FBXO42: variants seen among roughly 807,000 people sequenced by gnomAD.
FBXO42 encodes the protein F-box only protein 42.
In FBXO42, 12 loss-of-function variants were observed where a neutral mutation model predicts 71.7. The ratio of observed to expected loss-of-function variants is 0.17; its 90% CI spans 0.11 to 0.27. The LOEUF is 0.27. Ranked by LOEUF, FBXO42 falls within the 10% of genes least tolerant of loss-of-function variation. The pLI is 1.00. For missense variants in FBXO42, 707 were observed against 911.9 expected, an observed-to-expected ratio of 0.78 and a Z score of 2.89; for synonymous variants, 325 against 327.5, an observed-to-expected ratio of 0.99 and a Z score of 0.08.
chr1:16,250,941 G>A lies in FBXO42; in HGVS notation c.1883C>T (p.Ser628Phe). 1 of 1,614,196 alleles carries A rather than the reference G, an allele frequency of 6.2e-7. No homozygotes were observed. The highest frequency in any genetic ancestry group is 8.5e-7 in the Non-Finnish European group (1 of 1,180,040). ...ARRLGHHPPQ[S>F]LNVGKPLYQS... is the part of the protein sequence containing the mutation. ...GTATAGGGGTTTGCCAACATTTAGG[G>A]ACTGTGGAGGGTGGTGGCCCAGGCG... Residue 628 changes from serine (S) to phenylalanine (F), a missense_variant, in exon 10 of 10, where the codon TCC (serine) becomes TTC (phenylalanine). Ser to Phe is a radical substitution (Grantham distance 155, BLOSUM62 -2). Coordinates refer to ENST00000375592, the MANE Select transcript of FBXO42 (RefSeq NM_018994.3). The surrounding 1 kb of genome is among the most constrained non-coding windows in gnomAD (Gnocchi z 4.7).
At chr1:16,278,771 CTTTT>C (rs1427092676) in intron 4 of FBXO42, among the ~76,000 whole-genome samples, 1 of 151,954 alleles carries the variant, frequency 6.6e-6, no homozygotes, top group South Asian at 2.1e-4. Flanking sequence ...AGTTATTTCT[CTTTT>C]TTTCTTTTTT....
At position 16,253,648 on chromosome 1, in the gene FBXO42, C is replaced by A. The variant is rs2081612691; in HGVS notation, c.851G>T (p.Gly284Val). 1 of 1,614,094 alleles carries A rather than the reference C, an allele frequency of 6.2e-7. No individual in the cohort carries two copies. The highest frequency in any genetic ancestry group is 1.3e-5 in the African/African-American group (1 of 74,938). ...NISGPSPHPRGGQSQIVIDDA... is the reference protein window; with the variant it reads ...NISGPSPHPRVGQSQIVIDDA... ...ATTCCTGAGCACCTGAGATTGGCCA[C>A]CTCGAGGATGAGGACTGGGGCCAGA... is the stretch of plus-strand genomic sequence containing the variant. The change falls in exon 7 of 10, where the codon GGT becomes GTT. Residue 284 changes from glycine (G) to valine (V), a missense_variant. By Grantham distance (109) the Gly-to-Val change is moderately radical. Coordinates refer to ENST00000375592, the MANE Select transcript of FBXO42 (RefSeq NM_018994.3).
chr1:16,272,241 G>A (rs980012173), intron 4 of FBXO42, among the ~76,000 whole-genome samples: 12 of 150,276 alleles, frequency 8.0e-5, no homozygotes, highest in South Asian at 2.1e-4. Flanking sequence ...CCACAGAGAC[G>A]CAAACTATAA....
chr1:16,250,780 C>T lies in FBXO42; in HGVS notation c.2044G>A (p.Val682Ile). The T allele has an allele frequency of 6.2e-7, 1 of 1,614,170 alleles. No homozygotes were observed. Among genetic ancestry groups the T allele is most frequent in the Non-Finnish European group, 8.5e-7 (1 of 1,180,036 alleles). Reference protein sequence around the residue: ...GPPETSLHTVVQGRGELIIFG... With the variant: ...GPPETSLHTVIQGRGELIIFG... ...ATGATGAGTTCACCCCTGCCTTGTA[C>T]CACGGTATGCAGGCTGGTTTCAGGA... The change falls in exon 10 of 10, where the codon GTA (valine) becomes ATA (isoleucine). Residue 682 changes from valine (V) to isoleucine (I), a missense_variant. Val to Ile is a conservative substitution (Grantham distance 29). Around this residue, in one of 5 missense-constraint regions of FBXO42, gnomAD observed 9 missense variants for 31.8 expected, o/e 0.28. Coordinates refer to ENST00000375592, the MANE Select transcript of FBXO42 (RefSeq NM_018994.3). The surrounding 1 kb of genome is among the most constrained non-coding windows in gnomAD (Gnocchi z 4.7).
chr1:16,283,099 G>C (rs1379636421), intron 4 of FBXO42, among the ~76,000 whole-genome samples: 1 of 152,142 alleles, frequency 6.6e-6, no homozygotes, highest in Non-Finnish European at 1.5e-5. Flanking sequence ...TCTGAATAAA[G>C]GTGATCTGTT....
chr1:16,301,885 G>A (rs12562869), intron 3 of FBXO42, among the ~76,000 whole-genome samples: 49,704 of 151,712 alleles, frequency 0.33, 9,811 homozygotes, highest in East Asian at 0.67. Flanking sequence ...CTCCTGCCTC[G>A]ACTTTAAAAC....
intron 1 of FBXO42, among the ~76,000 whole-genome samples, chr1:16,348,172 G>A (rs576501025): frequency 3.3e-5 from 5 of 152,030 alleles, no homozygotes; most frequent in East Asian, 1.9e-4. Flanking sequence ...TCCATCAGCC[G>A]CAACTTTAGA....
intron 1 of FBXO42, among the ~76,000 whole-genome samples, chr1:16,333,404 G>A (rs2082520710): frequency 2.0e-5 from 3 of 150,330 alleles, no homozygotes; most frequent in Admixed American, 1.3e-4. Flanking sequence ...CTTGAGGCCA[G>A]GAGTTCGAGA....
intron 3 of FBXO42, among the ~76,000 whole-genome samples, chr1:16,301,684 C>A (rs28455948): frequency 0.28 from 34,286 of 121,430 alleles, 5,021 homozygotes; most frequent in African/African-American, 0.37. Context: ...AAAAAAAAAA[C>A]AACAAAAAAA....
rs549274706 is a variant in FBXO42, at chr1:16,300,122, C to T, written c.368-5205G>A. On this transcript the variant is annotated intron_variant, in intron 3 of 9. Transcript: ENST00000375592. ...TCCCAGTGCTCCAGTAGTAATTTCC[C>T]TTTTCACAAGTTCTCAACCTAAATA... 1.8e-4 allele frequency among the ~76,000 whole-genome samples: 28 copies of T among 152,280 alleles called. No individual in the cohort carries two copies. The East Asian group carries it at 5.4e-3, about 29-fold the overall frequency.
At chr1:16,281,683 G>T (rs1299559223) in intron 4 of FBXO42, among the ~76,000 whole-genome samples, 1 of 149,484 alleles carries the variant, frequency 6.7e-6, no homozygotes, top group Non-Finnish European at 1.5e-5. Flanking sequence ...TTTTGAGACG[G>T]AGTCTCACTC....
chr1:16,313,517 A>G (rs2082336671), intron 2 of FBXO42, among the ~76,000 whole-genome samples: 1 of 152,174 alleles, frequency 6.6e-6, no homozygotes, highest in Admixed American at 6.6e-5. Flanking sequence ...GCAGGGAGCC[A>G]ATCTCTCCTG....
chr1:16,295,382 CT>C (rs917105869), intron 3 of FBXO42, among the ~76,000 whole-genome samples: 44 of 150,230 alleles, frequency 2.9e-4, no homozygotes, highest in East Asian at 1.9e-3. Context: ...ATAAATGAAT[CT>C]TTTTTTTTTC....
intron 1 of FBXO42, among the ~76,000 whole-genome samples, chr1:16,331,915 TGATACAC>T (rs918893390): frequency 6.6e-6 from 1 of 151,872 alleles, no homozygotes; most frequent in Non-Finnish European, 1.5e-5. Context: ...CCAGGCATGG[TGATACAC>T]GCCTGTAATC....
chr1:16,332,690 G>A (rs557147181), intron 1 of FBXO42, among the ~76,000 whole-genome samples: 9 of 151,972 alleles, frequency 5.9e-5, no homozygotes, highest in Admixed American at 2.6e-4. Context: ...ACAGACATGT[G>A]CCACCATGCC....
At chr1:16,253,560 C>T in intron 7 of FBXO42, 75 bp downstream of exon 7, 3 of 1,362,344 alleles carry the variant, frequency 2.2e-6, no homozygotes, top group Non-Finnish European at 3.1e-6. Context: ...TCTTACCTGA[C>T]TCCCTCCTCC....
rs3210249 is a variant in FBXO42 at position 16,247,925 on chromosome 1, A to G, written c.*2745T>C. On this transcript the variant is annotated 3_prime_UTR_variant, in exon 10 of 10. Coordinates refer to ENST00000375592, the MANE Select transcript of FBXO42 (RefSeq NM_018994.3). ...AGGTGACCAGTGAAGTCACTAGGCCATGGGAGCTCTCAAAAGGCACACTTG... is the reference window on the plus strand; with the variant it reads ...AGGTGACCAGTGAAGTCACTAGGCCGTGGGAGCTCTCAAAAGGCACACTTG... The G allele has an allele frequency of 2.6e-5, 4 of 152,262 alleles. No homozygotes were observed. Among genetic ancestry groups the G allele is most frequent in the Non-Finnish European group, 5.9e-5 (4 of 68,046 alleles). 9.4% of individuals were successfully genotyped at this position (152,262 alleles called of 1,614,324 possible). A position where few individuals can be genotyped will look rare whatever the true frequency, so the allele number is the denominator to read the frequency against.
rs1341904472 is a variant in FBXO42, at chr1:16,352,420, T to G, written c.-183A>C. ...GAGCCGCCCGGAGCCGCCATCTTCC[T>G]CCACTCAAACGCCGCCGCCGCCGCA... On this transcript the variant is annotated 5_prime_UTR_variant, in exon 1 of 10. Coordinates refer to ENST00000375592, the MANE Select transcript of FBXO42 (RefSeq NM_018994.3). 2.5e-6 allele frequency: 1 copy of G among 398,936 alleles called. No homozygotes were observed. Among genetic ancestry groups the G allele is most frequent in the Non-Finnish European group, 4.4e-6 (1 of 226,738 alleles). The allele number at this position is 398,936 out of a possible 1,614,324, so 24.7% of individuals were successfully genotyped here.
intron 4 of FBXO42, among the ~76,000 whole-genome samples, chr1:16,263,983 G>A (rs2081745423): frequency 6.6e-6 from 1 of 151,766 alleles, no homozygotes; most frequent in African/African-American, 2.4e-5. Context: ...GCTAATTTTT[G>A]TATTATTAGT....
Sources: allele counts gnomAD v4.1 joint callset (sites outside exome capture counted in the v4.1 genomes callset), GRCh38; gene constraint gnomAD v4.1.1; regional missense constraint gnomAD v4.1.1; non-coding constraint Gnocchi (gnomAD v3.1); transcripts MANE v1.5; gene names NCBI Gene and HGNC (gene_info 2026-07-23, HGNC 2026-07-21).